ALCAM: variants seen among roughly 807,000 people sequenced by gnomAD.
ALCAM encodes the protein activated leukocyte cell adhesion molecule.
Under a neutral mutation model 70.9 loss-of-function variants are expected in ALCAM, and 30 were observed. The ratio of observed to expected loss-of-function variants is 0.42; its 90% CI spans 0.32 to 0.57. ALCAM has a LOEUF of 0.57. ALCAM is among the 20% of genes least tolerant of loss of function. The pLI is 0.11. For missense variants in ALCAM, 591 were observed against 695.1 expected (o/e 0.85, Z 1.68); for synonymous variants, 249 against 242.5 (o/e 1.03, Z -0.25).
intron 1 of ALCAM, among the ~76,000 whole-genome samples, chr3:105,503,956 C>A (rs1265624796): frequency 2.6e-5 from 4 of 152,190 alleles, no homozygotes; most frequent in African/African-American, 9.7e-5. Flanking sequence ...TCCTCTGCTC[C>A]TGCAACATTT....
intron 1 of ALCAM, among the ~76,000 whole-genome samples, chr3:105,453,154 A>G (rs969561325): frequency 7.2e-5 from 11 of 152,200 alleles, no homozygotes; most frequent in Admixed American, 4.6e-4. Flanking sequence ...GCCTATGCCT[A>G]CATCCTGAAT....
At chr3:105,483,049 G>T (rs1433741817) in intron 1 of ALCAM, among the ~76,000 whole-genome samples, 2 of 152,040 alleles carry the variant, frequency 1.3e-5, no homozygotes, top group African/African-American at 4.8e-5. Context: ...TTATAAATGA[G>T]TAAATGAATT....
At chr3:105,449,780 A>G (rs749391949) in intron 1 of ALCAM, among the ~76,000 whole-genome samples, 2 of 152,090 alleles carry the variant, frequency 1.3e-5, no homozygotes, top group Non-Finnish European at 2.9e-5. Flanking sequence ...TAGGATTTAC[A>G]TTTGTCAGAA....
intron 1 of ALCAM, among the ~76,000 whole-genome samples, chr3:105,418,497 A>G (rs1034296006): frequency 6.6e-6 from 1 of 151,782 alleles, no homozygotes; most frequent in East Asian, 1.9e-4. Flanking sequence ...ATGAGATTTA[A>G]AGCAAAGAAA....
chr3:105,409,718 TAAAAA>T (rs1936339737), intron 1 of ALCAM, among the ~76,000 whole-genome samples: 1 of 151,870 alleles, frequency 6.6e-6, no homozygotes, highest in African/African-American at 2.4e-5. Context: ...AAAAAAAAAT[TAAAAA>T]GAAAAGAAAT....
At chr3:105,528,914 TA>T (rs11304595) in intron 3 of ALCAM, among the ~76,000 whole-genome samples, 1,663 of 152,324 alleles carry the variant, frequency 0.011, 20 homozygotes, top group African/African-American at 0.037. Context: ...ATTTGAGTCT[TA>T]GCATTATATA....
intron 1 of ALCAM, among the ~76,000 whole-genome samples, chr3:105,436,124 C>T (rs1222852548): frequency 2.6e-5 from 4 of 152,160 alleles, no homozygotes; most frequent in African/African-American, 9.7e-5. Flanking sequence ...GACCTGCCCC[C>T]ATGATTCAAT....
At chr3:105,541,521 A>G (rs949158815) in intron 7 of ALCAM, 112 bp from the exon 8 acceptor site, 9 of 1,171,988 alleles carry the variant, frequency 7.7e-6, no homozygotes, top group Admixed American at 7.6e-5. Flanking sequence ...GATCAATGAA[A>G]CACATTCCCT....
chr3:105,372,284 A>T (rs1423265350), intron 1 of ALCAM, among the ~76,000 whole-genome samples: 2 of 152,124 alleles, frequency 1.3e-5, no homozygotes, highest in African/African-American at 4.8e-5. Flanking sequence ...AGTCATTACC[A>T]TATTTTTGGA....
chr3:105,475,164 T>C (rs1938071227), intron 1 of ALCAM, among the ~76,000 whole-genome samples: 1 of 151,888 alleles, frequency 6.6e-6, no homozygotes, highest in Non-Finnish European at 1.5e-5. Flanking sequence ...ACATTGTCAA[T>C]AGGCTAAGGG....
intron 1 of ALCAM, among the ~76,000 whole-genome samples, chr3:105,480,023 CAT>C (rs1440272625): frequency 6.6e-6 from 1 of 152,090 alleles, no homozygotes; most frequent in African/African-American, 2.4e-5. Flanking sequence ...CACATTTTGG[CAT>C]AATCTGTTAA....
At chr3:105,420,607 G>A (rs1156803242) in intron 1 of ALCAM, among the ~76,000 whole-genome samples, 2 of 151,566 alleles carry the variant, frequency 1.3e-5, no homozygotes, top group East Asian at 1.9e-4. Context: ...TAGCTCACAG[G>A]ACATTTATTA....
intron 1 of ALCAM, among the ~76,000 whole-genome samples, chr3:105,444,631 A>G (rs759897918): frequency 9.2e-5 from 14 of 152,184 alleles, no homozygotes; most frequent in Non-Finnish European, 1.8e-4. Flanking sequence ...GAAAAATATA[A>G]CTTAAAATAC....
chr3:105,551,464 C>T (rs1001160149), intron 12 of ALCAM, among the ~76,000 whole-genome samples: 5 of 151,526 alleles, frequency 3.3e-5, no homozygotes, highest in Non-Finnish European at 5.9e-5. Context: ...AGGAGAGGTC[C>T]GGGAATCTGC....
intron 1 of ALCAM, among the ~76,000 whole-genome samples, chr3:105,396,621 G>A (rs933883693): frequency 1.3e-5 from 2 of 151,978 alleles, no homozygotes; most frequent in South Asian, 2.1e-4. Flanking sequence ...ACATTCTTCA[G>A]CAATATCTAC....
chr3:105,426,018 G>A (rs540691204), intron 1 of ALCAM, among the ~76,000 whole-genome samples: 1 of 151,766 alleles, frequency 6.6e-6, no homozygotes, highest in South Asian at 2.1e-4. Context: ...CTAGCTTTAG[G>A]TCACAGCAAA....
chr3:105,456,255 C>T (rs1385025719), intron 1 of ALCAM, among the ~76,000 whole-genome samples: 1 of 152,206 alleles, frequency 6.6e-6, no homozygotes, highest in African/African-American at 2.4e-5. Context: ...CTCGATACAA[C>T]TGTTTTCTTC....
At chr3:105,445,401 C>T (rs935720123) in intron 1 of ALCAM, among the ~76,000 whole-genome samples, 7 of 152,122 alleles carry the variant, frequency 4.6e-5, no homozygotes, top group African/African-American at 1.7e-4. Flanking sequence ...AATGTCCATA[C>T]TATTCAAAAC....
chr3:105,455,287 A>G (rs2152594034), intron 1 of ALCAM, among the ~76,000 whole-genome samples: 1 of 151,386 alleles, frequency 6.6e-6, no homozygotes, highest in East Asian at 2.0e-4. Context: ...TAAAAATACA[A>G]AAAAATTAGC....
Sources: allele counts gnomAD v4.1 joint callset (sites outside exome capture counted in the v4.1 genomes callset), GRCh38; gene constraint gnomAD v4.1.1; transcripts MANE v1.5; gene names NCBI Gene and HGNC (gene_info 2026-07-23, HGNC 2026-07-21).